The following DENND6A variants were observed in gnomAD, a reference collection of about 807,000 sequenced individuals.
DENND6A encodes the protein DENN domain containing 6A.
In DENND6A, 43 loss-of-function variants were observed where a neutral mutation model predicts 95.5. The ratio of observed to expected loss-of-function variants is 0.45; its 90% CI spans 0.35 to 0.58. The LOEUF (loss-of-function observed/expected upper bound fraction) is 0.58. DENND6A is among the 20% of genes least tolerant of loss of function. The pLI is 0.00. For missense variants in DENND6A, 574 were observed against 736.0 expected (o/e 0.78, Z 2.55); for synonymous variants, 257 against 260.4 (o/e 0.99, Z 0.13).
At chr3:57,634,869 G>A in intron 12 of DENND6A, 100 bp from the exon 13 acceptor site, 1 of 966,220 alleles carries the variant, frequency 1.0e-6, no homozygotes, top group Non-Finnish European at 1.4e-6. Flanking sequence ...ACTTAAGTAT[G>A]TTATAATGAA....
Position 57,630,534 on chromosome 3 carries a change from A to G in DENND6A, c.1518-11T>C. ...GACTTTAGGAAATGCCTATAAAAAT[A>G]CATTTTAAAAAAGTAAAGTTTGATT... On this transcript the variant is annotated splice_polypyrimidine_tract_variant and intron_variant, in intron 17 of 19. Coordinates refer to ENST00000311128, the MANE Select transcript of DENND6A (RefSeq NM_152678.3). 6.3e-7 allele frequency: 1 copy of G among 1,583,832 alleles called. No individual in the cohort carries two copies. The highest frequency in any genetic ancestry group is 1.2e-5 in the South Asian group (1 of 84,400).
At chr3:57,657,757 T>C in intron 8 of DENND6A, 22 bp from the exon 9 acceptor site, 1 of 1,520,292 alleles carries the variant, frequency 6.6e-7, no homozygotes, top group Non-Finnish European at 9.0e-7. Flanking sequence ...AAAAGAAAAA[T>C]AAAAGAAGGT....
At chr3:57,685,142 C>T (rs1349509222) in intron 1 of DENND6A, among the ~76,000 whole-genome samples, 7 of 150,950 alleles carry the variant, frequency 4.6e-5, no homozygotes, top group Non-Finnish European at 5.9e-5. Context: ...AAGCTAGTCT[C>T]GAACTCCTGA....
intron 1 of DENND6A, among the ~76,000 whole-genome samples, chr3:57,689,240 G>A (rs138102177): frequency 6.6e-6 from 1 of 151,558 alleles, no homozygotes; most frequent in East Asian, 1.9e-4. Context: ...GGCATGAGCC[G>A]CCATGCCCGG....
intron 9 of DENND6A, among the ~76,000 whole-genome samples, chr3:57,647,614 G>A (rs2071106206): frequency 6.6e-6 from 1 of 152,162 alleles, no homozygotes; most frequent in African/African-American, 2.4e-5. Context: ...AGAATGAGTT[G>A]AGGAGGTTGT....
At chr3:57,659,044 G>C in intron 8 of DENND6A, 74 bp downstream of exon 8, 1 of 1,370,810 alleles carries the variant, frequency 7.3e-7, no homozygotes, top group Non-Finnish European at 1.0e-6. Context: ...AAGAAACTCT[G>C]CATTTGCTAG....
intron 1 of DENND6A, among the ~76,000 whole-genome samples, chr3:57,677,271 C>T (rs908524265): frequency 6.6e-6 from 1 of 152,154 alleles, no homozygotes; most frequent in Admixed American, 6.5e-5. Flanking sequence ...CAGTGAAAGA[C>T]AGCAGGAAGA....
intron 7 of DENND6A, among the ~76,000 whole-genome samples, chr3:57,660,280 A>G (rs887915397): frequency 6.6e-6 from 1 of 151,298 alleles, no homozygotes; most frequent in Non-Finnish European, 1.5e-5. Flanking sequence ...CTGCAGTCTC[A>G]ACTTCCCAGG....
intron 1 of DENND6A, among the ~76,000 whole-genome samples, chr3:57,682,797 A>T (rs2077178326): frequency 1.3e-5 from 2 of 151,996 alleles, no homozygotes. Context: ...TGCCTCAGCC[A>T]CTCAAGTAAC....
At chr3:57,629,696 G>A (rs1477350318) in intron 18 of DENND6A, among the ~76,000 whole-genome samples, 1 of 115,602 alleles carries the variant, frequency 8.7e-6, no homozygotes, top group South Asian at 2.6e-4. Flanking sequence ...TTTTTTTTTT[G>A]TATTTTCAGT....
intron 15 of DENND6A, 86 bp from the exon 16 acceptor site, chr3:57,631,064 T>C: frequency 8.2e-7 from 1 of 1,215,800 alleles, no homozygotes; most frequent in Non-Finnish European, 1.2e-6. Flanking sequence ...CTTTTAAGTT[T>C]TTAATCATAT....
intron 1 of DENND6A, 63 bp downstream of exon 1, chr3:57,692,719 G>C: frequency 7.4e-7 from 1 of 1,358,288 alleles, no homozygotes; most frequent in Non-Finnish European, 9.5e-7. Context: ...CGGGCCGCTG[G>C]CTTTGCTGCA....
chr3:57,655,179 G>A (rs2071299472), intron 9 of DENND6A, among the ~76,000 whole-genome samples: 1 of 151,968 alleles, frequency 6.6e-6, no homozygotes, highest in African/African-American at 2.4e-5. Context: ...GATTACAGGC[G>A]GCCCGCCACC....
At chr3:57,685,796 T>C (rs1215204668) in intron 1 of DENND6A, among the ~76,000 whole-genome samples, 1 of 152,176 alleles carries the variant, frequency 6.6e-6, no homozygotes, top group Non-Finnish European at 1.5e-5. Flanking sequence ...CTATGTTCAT[T>C]CTATTGCAAT....
chr3:57,663,496 A>T (rs71311819), intron 5 of DENND6A, 140 bp downstream of exon 5: 1 of 221,044 alleles, frequency 4.5e-6, no homozygotes, highest in Non-Finnish European at 8.9e-6. Flanking sequence ...AAATATATAT[A>T]TACACACACA....
chr3:57,674,105 G>A (rs1039971108), intron 1 of DENND6A, among the ~76,000 whole-genome samples: 1 of 151,856 alleles, frequency 6.6e-6, no homozygotes, highest in African/African-American at 2.4e-5. Flanking sequence ...GAAGCCGGCC[G>A]GGTGCAGTGG....
intron 1 of DENND6A, among the ~76,000 whole-genome samples, chr3:57,681,930 G>T (rs2077169447): frequency 6.6e-6 from 1 of 152,088 alleles, no homozygotes; most frequent in African/African-American, 2.4e-5. Flanking sequence ...TGCACATCCT[G>T]TGAAAACCTC....
intron 1 of DENND6A, among the ~76,000 whole-genome samples, chr3:57,681,068 C>T (rs746423957): frequency 6.6e-6 from 1 of 152,174 alleles, no homozygotes; most frequent in Admixed American, 6.6e-5. Context: ...AACACATGTT[C>T]ACACAAAAAC....
intron 9 of DENND6A, among the ~76,000 whole-genome samples, chr3:57,655,584 A>C (rs1010501168): frequency 2.0e-5 from 3 of 152,216 alleles, no homozygotes; most frequent in Admixed American, 1.3e-4. Flanking sequence ...CAAAGTCAAA[A>C]TGCAATCAAA....
Sources: gnomAD v4.1 joint callset for allele counts (sites outside exome capture counted in the v4.1 genomes callset) on GRCh38, gnomAD v4.1.1 for gene constraint, MANE v1.5 for transcripts, NCBI Gene and HGNC (gene_info 2026-07-23, HGNC 2026-07-21) for gene names.